Variants in KATNAL1 observed in about 807,000 individuals in gnomAD.
KATNAL1 encodes katanin p60 ATPase-containing subunit A-like 1.
KATNAL1 carries 32 observed loss-of-function variants against 55.2 expected under a neutral mutation model. The observed-to-expected ratio is 0.58, with a 90% CI of 0.44 to 0.78. The LOEUF is 0.78. Among genes scored for constraint, KATNAL1 ranks in the 30% least tolerant of loss-of-function variants. The pLI is 0.00. For synonymous variants in KATNAL1, 193 were observed against 193.6 expected (o/e 1.00, Z 0.02); for missense variants, 466 against 600.9 (o/e 0.78, Z 2.35).
At chr13:30,283,352 T>C (rs1881545364) in intron 2 of KATNAL1, among the ~76,000 whole-genome samples, 1 of 149,226 alleles carries the variant, frequency 6.7e-6, no homozygotes, top group Admixed American at 6.7e-5. Flanking sequence ...AGGTAACTGA[T>C]CATGAAAAGA....
chr13:30,298,183 A>G (rs1251025217), intron 1 of KATNAL1, among the ~76,000 whole-genome samples: 1 of 152,250 alleles, frequency 6.6e-6, no homozygotes, highest in Non-Finnish European at 1.5e-5. Context: ...TTGCTTTACC[A>G]AAATGGTCTG....
chr13:30,245,781 T>C (rs567054712), intron 4 of KATNAL1, among the ~76,000 whole-genome samples: 5 of 151,954 alleles, frequency 3.3e-5, no homozygotes, highest in Non-Finnish European at 5.9e-5. Flanking sequence ...AAATCATGAG[T>C]GAACTTCCAT....
At chr13:30,289,083 C>T (rs1458735437) in intron 1 of KATNAL1, among the ~76,000 whole-genome samples, 1 of 152,176 alleles carries the variant, frequency 6.6e-6, no homozygotes, top group East Asian at 1.9e-4. Context: ...AGGTTGCATG[C>T]CATTAGTGTT....
At chr13:30,306,320 G>A (rs1384247328) in intron 1 of KATNAL1, among the ~76,000 whole-genome samples, 1 of 152,082 alleles carries the variant, frequency 6.6e-6, no homozygotes, top group Non-Finnish European at 1.5e-5. Flanking sequence ...AAAACATGCT[G>A]AGAAATTCTG....
rs184780964 is a variant in KATNAL1, at chr13:30,265,269, C to T, written c.324-9654G>A. On this transcript the variant is annotated intron_variant, in intron 3 of 10. Transcript: ENST00000380615. ...GGATAGCATTGGGAGATATACCTAA[C>T]GCTAGATGACGAGTTAGTGGGTGCA... Among the ~76,000 whole-genome samples, 1,089 of 151,786 alleles carry T rather than the reference C, an allele frequency of 7.2e-3. 11 individuals carry two copies. The highest frequency in any genetic ancestry group is 0.025 in the African/African-American group (1,017 of 41,328).
chr13:30,237,804 A>G (rs1370555538), intron 6 of KATNAL1, among the ~76,000 whole-genome samples: 2 of 152,150 alleles, frequency 1.3e-5, no homozygotes, highest in Admixed American at 6.6e-5. Context: ...AGAACAATAA[A>G]CCAGTGTCTT....
intron 10 of KATNAL1, among the ~76,000 whole-genome samples, chr13:30,209,575 A>T (rs946955320): frequency 6.6e-6 from 1 of 152,258 alleles, no homozygotes; most frequent in Non-Finnish European, 1.5e-5. Context: ...GAACTGTCTA[A>T]AACTTATGAT....
At chr13:30,282,257 T>C (rs1881413664) in intron 2 of KATNAL1, among the ~76,000 whole-genome samples, 1 of 152,160 alleles carries the variant, frequency 6.6e-6, no homozygotes, top group Non-Finnish European at 1.5e-5. Flanking sequence ...ACTGACTCAT[T>C]TGTATTTTTA....
Position 30,295,608 on chromosome 13 carries a change from T to TA in KATNAL1, c.-15+11722dup, listed in dbSNP as rs113207883. Among the ~76,000 whole-genome samples the TA allele has an allele frequency of 4.1e-3, 577 of 142,146 alleles. 16 individuals are homozygous for TA. The highest frequency in any genetic ancestry group is 0.033 in the Admixed American group (466 of 14,336). 93.3% of individuals were successfully genotyped at this position (142,146 alleles called of 152,430 possible). A position where few individuals can be genotyped will look rare whatever the true frequency, so the allele number is the denominator to read the frequency against. On this transcript the variant is annotated intron_variant, in intron 1 of 10. Transcript: ENST00000380615. Reference sequence around the variant, plus strand: ...GCAAGACCCCATCTCTACAAAAAATTAAAAAAAAAACTTGAATGGATGAGT... The same window carrying TA: ...GCAAGACCCCATCTCTACAAAAAATTAAAAAAAAAAACTTGAATGGATGAGT...
At chr13:30,279,929 A>C in intron 3 of KATNAL1, 134 bp downstream of exon 3, 1 of 729,642 alleles carries the variant, frequency 1.4e-6, no homozygotes, top group Non-Finnish European at 2.2e-6. Context: ...GTAAATGTAT[A>C]AATGTGAATA....
intron 4 of KATNAL1, among the ~76,000 whole-genome samples, chr13:30,241,370 T>C (rs1877263666): frequency 6.6e-6 from 1 of 152,182 alleles, no homozygotes. Flanking sequence ...TGGGAAAGCC[T>C]ACCTTTGAAC....
intron 3 of KATNAL1, among the ~76,000 whole-genome samples, chr13:30,277,756 G>T (rs928575183): frequency 6.6e-6 from 1 of 151,878 alleles, no homozygotes; most frequent in African/African-American, 2.4e-5. Flanking sequence ...GGCCGAGGCG[G>T]GCGGATCACG....
In KATNAL1 at chr13:30,274,722, C is replaced by A. The variant is rs544918811; in HGVS notation, c.323+5341G>T. Reference sequence around the variant, plus strand: ...ATGATCCAGCAATCCCACTTCTGAGCATACAGCCAAAGAAAATGAAATCAG... The same window carrying A: ...ATGATCCAGCAATCCCACTTCTGAGAATACAGCCAAAGAAAATGAAATCAG... On this transcript the variant is annotated intron_variant, in intron 3 of 10. Transcript: ENST00000380615. 5.9e-5 allele frequency among the ~76,000 whole-genome samples: 9 copies of A among 152,278 alleles called. No individual in the cohort carries two copies. The South Asian group carries it at 1.9e-3, about 32-fold the overall frequency.
At position 30,204,206 on chromosome 13, in the gene KATNAL1, G is replaced by C. The variant is rs1400198055; in HGVS notation, c.*4334C>G. 3 of 152,124 alleles carry C rather than the reference G, an allele frequency of 2.0e-5. No homozygotes were observed. Among genetic ancestry groups the C allele is most frequent in the African/African-American group, 7.2e-5 (3 of 41,440 alleles). 9.4% of individuals were successfully genotyped at this position (152,124 alleles called of 1,614,324 possible). On this transcript the variant is annotated 3_prime_UTR_variant, in exon 11 of 11. Transcript: ENST00000380615. ...TAGTTAGGATTTTTTCCTCATACAA[G>C]TTAAGGTGGCCTTTTCTTGGAAAAG... is the stretch of plus-strand genomic sequence containing the variant.
chr13:30,248,736 C>A (rs1878020499), intron 4 of KATNAL1, among the ~76,000 whole-genome samples: 1 of 151,932 alleles, frequency 6.6e-6, no homozygotes, highest in South Asian at 2.1e-4. Context: ...ACCAGCCTGG[C>A]CAACGTGGTG....
rs1207793172 is a variant in KATNAL1, at chr13:30,204,635, G to A, written c.*3905C>T. 2 of 152,224 alleles carry A rather than the reference G, an allele frequency of 1.3e-5. No homozygotes were observed. Among genetic ancestry groups the A allele is most frequent in the South Asian group, 2.1e-4 (1 of 4,832 alleles). The allele number at this position is 152,224 out of a possible 1,614,324, so 9.4% of individuals were successfully genotyped here. On this transcript the variant is annotated 3_prime_UTR_variant, in exon 11 of 11. Transcript: ENST00000380615. The stretch of plus-strand genomic sequence containing the variant: ...AAAGTCAAAGAATGACAATCATACT[G>A]TAAATTTGGGTTGTACACACACATT...
Position 30,218,227 on chromosome 13 carries a change from T to A in KATNAL1, c.1148-7785A>T, listed in dbSNP as rs74043062. ...AGGAATATATATATATATATATATA[T>A]AAAGGACCTGACCCTGATGTAATAG... On this transcript the variant is annotated intron_variant, in intron 9 of 10. Transcript: ENST00000380615. 2.2e-3 allele frequency among the ~76,000 whole-genome samples: 324 copies of A among 145,264 alleles called. 1 individual carries two copies. The highest frequency in any genetic ancestry group is 6.7e-3 in the African/African-American group (263 of 39,238).
At chr13:30,286,928 G>A (rs4326901) in intron 1 of KATNAL1, among the ~76,000 whole-genome samples, 3 of 152,066 alleles carry the variant, frequency 2.0e-5, no homozygotes, top group Non-Finnish European at 4.4e-5. Context: ...ATGACTGCCC[G>A]ATTGGATTTC....
chr13:30,230,484 C>A lies in KATNAL1; in HGVS notation c.996G>T (p.Leu332=), dbSNP rs1459261409. ...ATCAATTACCATCCATCTGAATGAG[C>A]AGTTCAGACTTGACCCTGCGACTTG... ...HEASRRVKSE[L]LIQMDGVGGA... is the part of the protein sequence containing the mutation. The change falls in exon 8 of 11, where the codon CTG becomes CTT. Residue 332 remains leucine, a synonymous_variant. Transcript: ENST00000380615. 6.2e-7 allele frequency: 1 copy of A among 1,609,384 alleles called. No individual in the cohort carries two copies. Among genetic ancestry groups the A allele is most frequent in the African/African-American group, 1.3e-5 (1 of 74,908 alleles).
Sources: gnomAD v4.1 joint callset for allele counts (sites outside exome capture counted in the v4.1 genomes callset) on GRCh38, gnomAD v4.1.1 for gene constraint, MANE v1.5 for transcripts, NCBI Gene and HGNC (gene_info 2026-07-23, HGNC 2026-07-21) for gene names.